Variants in AGPAT3 observed in about 807,000 individuals in gnomAD.
AGPAT3 encodes 1-acyl-sn-glycerol-3-phosphate acyltransferase gamma.
AGPAT3 carries 5 observed loss-of-function variants against 47.3 expected under a neutral mutation model. The observed-to-expected ratio is 0.11, with a 90% confidence interval of 0.06 to 0.22. The LOEUF (loss-of-function observed/expected upper bound fraction) is 0.22. Ranked by LOEUF, AGPAT3 falls within the 10% of genes least tolerant of loss-of-function variation. The probability of loss-of-function intolerance (pLI) is 1.00; values close to 1 mark genes in which losing one functional copy is unlikely to be tolerated. For synonymous variants in AGPAT3, 212 were observed against 208.3 expected (o/e 1.02, Z -0.15); for missense variants, 315 against 493.0 (o/e 0.64, Z 3.42).
intron 3 of AGPAT3, 161 bp from the exon 4 acceptor site, chr21:43,967,785 T>G: frequency 1.4e-6 from 1 of 690,200 alleles, no homozygotes; most frequent in Non-Finnish European, 2.3e-6. Context: ...GAGAAAGTTA[T>G]TGTAATTTCA....
rs1164102753 is a variant in AGPAT3 at position 43,985,960 on chromosome 21, C to G, written c.*3568C>G. 1.3e-5 allele frequency: 2 copies of G among 152,364 alleles called. No homozygotes were observed. The highest frequency in any genetic ancestry group is 1.9e-4 in the East Asian group (1 of 5,200). The allele number at this position is 152,364 out of a possible 1,614,324, so 9.4% of individuals were successfully genotyped here. On this transcript the variant is annotated 3_prime_UTR_variant, in exon 10 of 10. Transcript: ENST00000291572. ...TCCCCGGCCGTGTGCCTGCCCCTTT[C>G]TCTACTGAGCTAGTCCCCAAACCAA...
chr21:43,924,498 C>T (rs141941662), intron 2 of AGPAT3, among the ~76,000 whole-genome samples: 9 of 152,342 alleles, frequency 5.9e-5, no homozygotes, highest in East Asian at 3.9e-4. Context: ...GGTCCGCTCC[C>T]GTGAGGAGCA....
rs764704955 is a variant in AGPAT3 at position 43,934,692 on chromosome 21, G to A, written c.-48-24942G>A. On this transcript the variant is annotated intron_variant, in intron 2 of 9. Transcript: ENST00000291572. This position sits in a 1 kb window ranked among gnomAD's most constrained non-coding sequence, Gnocchi z 4.7. Reference sequence around the variant, plus strand: ...ATGACATTCAGATAGCTGGGAGCACGAGGAGGCCACGTGCCCATGGTGGAG... The same window carrying A: ...ATGACATTCAGATAGCTGGGAGCACAAGGAGGCCACGTGCCCATGGTGGAG... Among the ~76,000 whole-genome samples, 3 of 152,108 alleles carry A rather than the reference G, an allele frequency of 2.0e-5. No homozygotes were observed. The highest frequency in any genetic ancestry group is 6.5e-5 in the Admixed American group (1 of 15,280).
chr21:43,962,024 T>G lies in AGPAT3; in HGVS notation c.178+2165T>G, dbSNP rs62229682. Among the ~76,000 whole-genome samples the G allele has an allele frequency of 9.9e-3, 1,477 of 149,506 alleles. 12 individuals are homozygous for G. Among genetic ancestry groups the G allele is most frequent in the African/African-American group, 0.015 (604 of 39,968 alleles). ...TTCTCTTTTTTTTTTTTTTTGAGAC[T>G]GAGTCTCGCTCTGTTGCCCAGGCTG... On this transcript the variant is annotated intron_variant, in intron 3 of 9. Coordinates refer to ENST00000291572, the MANE Select transcript of AGPAT3 (RefSeq NM_020132.5).
intron 7 of AGPAT3, among the ~76,000 whole-genome samples, chr21:43,973,585 G>A (rs1169797071): frequency 3.9e-5 from 6 of 152,200 alleles, no homozygotes; most frequent in African/African-American, 9.7e-5. Context: ...CTCCTCATCC[G>A]CCATCCTCCC....
At position 43,955,346 on chromosome 21, in the gene AGPAT3, C is replaced by A; in HGVS notation, c.-48-4288C>A. ...TGTTGCAGTGTGGTGGGGTCACAGG[C>A]GGCTTAGCTTGTCAACACCCATAAC... is the stretch of plus-strand genomic sequence containing the variant. On this transcript the variant is annotated intron_variant, in intron 2 of 9. Coordinates refer to ENST00000291572, the MANE Select transcript of AGPAT3 (RefSeq NM_020132.5). The surrounding 1 kb of genome is among the most constrained non-coding windows in gnomAD (Gnocchi z 4.1). The A allele has an allele frequency of 2.5e-6, 2 of 801,238 alleles. No homozygotes were observed. Among genetic ancestry groups the A allele is most frequent in the Non-Finnish European group, 3.2e-6 (2 of 619,724 alleles). The allele number at this position is 801,238 out of a possible 1,614,324, so 49.6% of individuals were successfully genotyped here.
At chr21:43,958,905 GGGT>G (rs1225328632) in intron 2 of AGPAT3, among the ~76,000 whole-genome samples, 35 of 137,890 alleles carry the variant, frequency 2.5e-4, no homozygotes, top group Admixed American at 7.3e-5. Flanking sequence ...GTGGGTGGTG[GGGT>G]GGTGTGTGTG....
At chr21:43,866,520 G>C (rs1210856068) in intron 1 of AGPAT3, 1 of 152,204 alleles carries the variant, frequency 6.6e-6, no homozygotes, top group East Asian at 1.9e-4. Flanking sequence ...GAAAGCTTCA[G>C]AGGGGTCTCC....
chr21:43,959,305 GGTGTGTGGCGTGTGTGTGGTTGTGT>G (rs932784515), intron 2 of AGPAT3, among the ~76,000 whole-genome samples: 47 of 131,350 alleles, frequency 3.6e-4, no homozygotes, highest in African/African-American at 1.3e-3. Context: ...GATGAGCTGT[GGTGTGTGGCGTGTGTGTGGTTGTGT>G]GTGTGTGGCG....
chr21:43,960,476 G>A (rs910139573), intron 3 of AGPAT3, among the ~76,000 whole-genome samples: 1 of 152,198 alleles, frequency 6.6e-6, no homozygotes, highest in East Asian at 1.9e-4. Context: ...CTGGAGGGTG[G>A]TTTGGCAGTG....
intron 2 of AGPAT3, among the ~76,000 whole-genome samples, chr21:43,915,419 T>TTC (rs1269401764): frequency 7.6e-6 from 1 of 131,840 alleles, no homozygotes; most frequent in East Asian, 2.1e-4. Context: ...TTTTTTTTTT[T>TTC]TTTTTTTTTT....
chr21:43,870,901 G>A (rs1177458878), intron 1 of AGPAT3, among the ~76,000 whole-genome samples: 2 of 152,176 alleles, frequency 1.3e-5, no homozygotes, highest in African/African-American at 2.4e-5. Context: ...ATGAGTGAGA[G>A]ACTGAGGCCT....
chr21:43,982,351 G>A lies in AGPAT3; in HGVS notation c.1090G>A (p.Gly364Ser). 2 of 1,614,072 alleles carry A rather than the reference G, an allele frequency of 1.2e-6. No homozygotes were observed. The highest frequency in any genetic ancestry group is 1.7e-6 in the Non-Finnish European group (2 of 1,179,970). ...RLIGVTEIEK[G>S]SSYGNQEFKK... ...GATAGGAGTAACTGAGATAGAAAAA[G>A]GCTCCAGCTACGGAAACCAAGAGTT... Residue 364 changes from glycine (G) to serine (S), a missense_variant, in exon 10 of 10, where the codon GGC (glycine) becomes AGC (serine). Transcript: ENST00000291572. This position sits in a 1 kb window ranked among gnomAD's most constrained non-coding sequence, Gnocchi z 6.2.
Position 43,952,239 on chromosome 21 carries a change from C to T in AGPAT3, c.-48-7395C>T, listed in dbSNP as rs1226641749. Among the ~76,000 whole-genome samples, 4 of 152,152 alleles carry T rather than the reference C, an allele frequency of 2.6e-5. No homozygotes were observed. The highest frequency in any genetic ancestry group is 4.4e-5 in the Non-Finnish European group (3 of 68,022). ...CCAAGGTCAAGGATTCCTTCTGAGG[C>T]TTCTCACCCGGGCTCTGACTGCAGG... On this transcript the variant is annotated intron_variant, in intron 2 of 9. Coordinates refer to ENST00000291572, the MANE Select transcript of AGPAT3 (RefSeq NM_020132.5). The surrounding 1 kb of genome is among the most constrained non-coding windows in gnomAD (Gnocchi z 5.6).
chr21:43,927,151 G>T (rs1329592024), intron 2 of AGPAT3, among the ~76,000 whole-genome samples: 2 of 152,000 alleles, frequency 1.3e-5, no homozygotes, highest in Non-Finnish European at 2.9e-5. Context: ...ACGGGGTGAG[G>T]GCTGAGCATT....
Position 43,955,250 on chromosome 21 carries a change from A to G in AGPAT3, c.-48-4384A>G. 1 of 1,205,976 alleles carries G rather than the reference A, an allele frequency of 8.3e-7. No individual in the cohort carries two copies. Among genetic ancestry groups the G allele is most frequent in the African/African-American group, 1.6e-5 (1 of 63,506 alleles). 74.7% of individuals were successfully genotyped at this position (1,205,976 alleles called of 1,614,324 possible). On this transcript the variant is annotated intron_variant, in intron 2 of 9. Coordinates refer to ENST00000291572, the MANE Select transcript of AGPAT3 (RefSeq NM_020132.5). This position sits in a 1 kb window ranked among gnomAD's most constrained non-coding sequence, Gnocchi z 4.1. ...TGTGAACCTCTAGAAAAGGTAAATT[A>G]ACCTATAGAGCTGGAAAGCTGACCT...
chr21:43,950,243 G>A (rs1279296100), intron 2 of AGPAT3, among the ~76,000 whole-genome samples: 1 of 152,240 alleles, frequency 6.6e-6, no homozygotes, highest in Non-Finnish European at 1.5e-5. Flanking sequence ...TCTAGTTCCT[G>A]TTGTAGTAGA....
chr21:43,910,553 G>A (rs1193328241), intron 2 of AGPAT3, among the ~76,000 whole-genome samples: 1 of 152,234 alleles, frequency 6.6e-6, no homozygotes, highest in Non-Finnish European at 1.5e-5. Flanking sequence ...TGAGGTGAAG[G>A]TGGAGCGGAG....
intron 1 of AGPAT3, among the ~76,000 whole-genome samples, chr21:43,902,953 T>C (rs905856878): frequency 6.6e-6 from 1 of 152,088 alleles, no homozygotes; most frequent in Admixed American, 6.5e-5. Context: ...TGAGCGGTGA[T>C]TGTGCCACGG....
Sources: gnomAD v4.1 joint callset for allele counts (sites outside exome capture counted in the v4.1 genomes callset) on GRCh38, gnomAD v4.1.1 for gene constraint, Gnocchi (gnomAD v3.1) non-coding constraint, MANE v1.5 for transcripts, NCBI Gene and HGNC (gene_info 2026-07-23, HGNC 2026-07-21) for gene names.